PCDHA4: variants seen among roughly 807,000 people sequenced by gnomAD.
PCDHA4 encodes protocadherin alpha 4.
PCDHA4 carries 49 observed loss-of-function variants against 61.4 expected under a neutral mutation model. The ratio of observed to expected loss-of-function variants is 0.80; its 90% CI spans 0.63 to 1.01. The LOEUF (loss-of-function observed/expected upper bound fraction) is 1.01. Ranked by LOEUF, PCDHA4 falls within the 50% of genes least tolerant of loss-of-function variation. The probability of loss-of-function intolerance (pLI) is 0.00; values close to 1 mark genes in which losing one functional copy is unlikely to be tolerated. For missense variants in PCDHA4, 1,254 were observed against 1,235.8 expected (o/e 1.01, Z -0.22); for synonymous variants, 590 against 550.3 (o/e 1.07, Z -1.01).
intron 1 of PCDHA4, chr5:140,829,124 G>T: frequency 6.2e-7 from 1 of 1,612,286 alleles, no homozygotes; most frequent in East Asian, 2.2e-5. Flanking sequence ...GGATAAAAAT[G>T]ATAACGTCCC....
At chr5:140,908,179 C>T (rs1158845408) in intron 1 of PCDHA4, among the ~76,000 whole-genome samples, 1 of 152,194 alleles carries the variant, frequency 6.6e-6, no homozygotes, top group Non-Finnish European at 1.5e-5. Context: ...CAGCTGTCCA[C>T]TTTCAGGTGG....
At chr5:140,857,412 C>G (rs782751627) in intron 1 of PCDHA4, 1 of 1,598,338 alleles carries the variant, frequency 6.3e-7, no homozygotes, top group Admixed American at 1.7e-5. Context: ...CCTGCGTTCG[C>G]GCAGTCCGAG....
chr5:140,927,530 G>A (rs2084329100), intron 1 of PCDHA4: 2 of 1,614,080 alleles, frequency 1.2e-6, no homozygotes, highest in Non-Finnish European at 1.7e-6. Flanking sequence ...CTACCTGCCC[G>A]CTCAGGAGAC....
At chr5:140,905,298 T>A (rs1171619023) in intron 1 of PCDHA4, among the ~76,000 whole-genome samples, 2 of 152,218 alleles carry the variant, frequency 1.3e-5, no homozygotes, top group African/African-American at 2.4e-5. Context: ...TAAGGTGTCC[T>A]TTCCACACTT....
chr5:140,921,705 G>C (rs2080339656), intron 1 of PCDHA4, among the ~76,000 whole-genome samples: 1 of 152,042 alleles, frequency 6.6e-6, no homozygotes, highest in Non-Finnish European at 1.5e-5. Context: ...ATTTTAAACA[G>C]TAAACACACG....
intron 3 of PCDHA4, among the ~76,000 whole-genome samples, chr5:140,990,194 G>A (rs2097380047): frequency 6.6e-6 from 1 of 152,076 alleles, no homozygotes; most frequent in Non-Finnish European, 1.5e-5. Context: ...ACCAAATGTG[G>A]ACCCGAAAGA....
Position 140,808,062 on chromosome 5 carries a change from A to G in PCDHA4, c.875A>G (p.Lys292Arg). ...GATATTTCGCCAAATGTGAAATCCAAGTTTCACATAGATCCAATTACTGGA... is the reference window on the plus strand; with the variant it reads ...GATATTTCGCCAAATGTGAAATCCAGGTTTCACATAGATCCAATTACTGGA... The part of the protein sequence containing the change: ...SNDISPNVKS[K>R]FHIDPITGQI... Residue 292 changes from lysine (K) to arginine (R), a missense_variant, in exon 1 of 4, where the codon AAG becomes AGG. Coordinates refer to ENST00000530339, the MANE Select transcript of PCDHA4 (RefSeq NM_018907.4). 6.2e-7 allele frequency: 1 copy of G among 1,613,848 alleles called. No homozygotes were observed.
chr5:140,869,245 A>T (rs782617385), intron 1 of PCDHA4: 14 of 1,613,510 alleles, frequency 8.7e-6, no homozygotes, highest in Non-Finnish European at 1.2e-5. Flanking sequence ...CGTGGGCCGC[A>T]TCGCGCAGGA....
rs1554124181 is a variant in PCDHA4 at position 140,807,657 on chromosome 5, C to A, written c.470C>A (p.Ala157Asp). 1.9e-6 allele frequency: 3 copies of A among 1,614,102 alleles called. No homozygotes were observed. Among genetic ancestry groups the A allele is most frequent in the Non-Finnish European group, 2.5e-6 (3 of 1,180,048 alleles). The change falls in exon 1 of 4, where the codon GCC becomes GAC. Residue 157 changes from alanine (A) to aspartate (D), a missense_variant. By Grantham distance (126) the Ala-to-Asp change is moderately radical. Transcript: ENST00000530339. The part of the protein sequence containing the change: ...PLDSRFPLEG[A>D]SDADIGENAL... ...GACTCTCGGTTTCCACTAGAGGGCG[C>A]CTCGGATGCAGATATCGGGGAGAAC...
chr5:140,828,239 C>G, intron 1 of PCDHA4: 1 of 1,613,974 alleles, frequency 6.2e-7, no homozygotes, highest in South Asian at 1.1e-5. Flanking sequence ...CCGGATCGCG[C>G]AGGACCTGGG....
intron 1 of PCDHA4, chr5:140,882,292 C>G (rs2059050033): frequency 1.2e-6 from 2 of 1,613,422 alleles, no homozygotes; most frequent in African/African-American, 1.3e-5. Flanking sequence ...GGCAAGGAGG[C>G]CCAAGACCGC....
Position 140,876,248 on chromosome 5 carries a change from CAA to C in PCDHA4, c.2385+66677_2385+66678del, listed in dbSNP as rs782415667. On this transcript the variant is annotated intron_variant, in intron 1 of 3. Transcript: ENST00000530339. ...TTGTCTGAAAATGTCCAAAACGACA[CAA>C]GAGTGATCCAACTAAATGCTTCCGA... 1.9e-6 allele frequency: 3 copies of C among 1,613,868 alleles called. No homozygotes were observed. In the East Asian group the frequency reaches 6.7e-5, roughly 36 times the overall value.
chr5:140,970,405 C>T (rs1361647284), intron 1 of PCDHA4, among the ~76,000 whole-genome samples: 1 of 152,120 alleles, frequency 6.6e-6, no homozygotes, highest in Non-Finnish European at 1.5e-5. Flanking sequence ...GATGGCTTAC[C>T]CTACAGTAAG....
At chr5:141,009,345 G>C (rs1409011729) in intron 3 of PCDHA4, among the ~76,000 whole-genome samples, 1 of 152,164 alleles carries the variant, frequency 6.6e-6, no homozygotes, top group African/African-American at 2.4e-5. Context: ...TGTAGTTCCA[G>C]CTACTTGGGA....
chr5:140,968,330 G>A (rs1314697989), intron 1 of PCDHA4: 2 of 1,613,974 alleles, frequency 1.2e-6, no homozygotes, highest in East Asian at 2.2e-5. Context: ...CACCTCCTAT[G>A]TCTCCATTAA....
At chr5:140,984,031 CAT>C (rs2153832931) in intron 3 of PCDHA4, among the ~76,000 whole-genome samples, 1 of 152,260 alleles carries the variant, frequency 6.6e-6, no homozygotes, top group South Asian at 2.1e-4. Context: ...AGGGGAAAAA[CAT>C]AAAATAGTTC....
intron 1 of PCDHA4, among the ~76,000 whole-genome samples, chr5:140,878,853 A>G (rs565644052): frequency 1.3e-5 from 2 of 152,352 alleles, no homozygotes; most frequent in East Asian, 3.9e-4. Context: ...TCTGGGTTCA[A>G]CTGATCCTCC....
chr5:140,925,424 T>C (rs1554202738), intron 1 of PCDHA4, among the ~76,000 whole-genome samples: 1 of 152,038 alleles, frequency 6.6e-6, no homozygotes, highest in Non-Finnish European at 1.5e-5. Context: ...GAACTGGTTG[T>C]AGGGTGTTAG....
chr5:140,810,012 T>C (rs186188857), intron 1 of PCDHA4: 1 of 155,996 alleles, frequency 6.4e-6, no homozygotes, highest in East Asian at 1.9e-4. Context: ...TTATTTTTCC[T>C]CCAGTGTAAC....
Sources: gnomAD v4.1 joint callset for allele counts (sites outside exome capture counted in the v4.1 genomes callset) on GRCh38, gnomAD v4.1.1 for gene constraint, MANE v1.5 for transcripts, NCBI Gene and HGNC (gene_info 2026-07-23, HGNC 2026-07-21) for gene names.